CNTNAP2: variants seen among roughly 807,000 people sequenced by gnomAD.
CNTNAP2 encodes the protein contactin-associated protein-like 2.
A neutral mutation model predicts 155.2 loss-of-function variants in CNTNAP2; 98 were observed. The ratio of observed to expected loss-of-function variants is 0.63; its 90% CI spans 0.54 to 0.75. The LOEUF (loss-of-function observed/expected upper bound fraction) is 0.75, where lower values mean the gene tolerates loss of function less well. Ranked by LOEUF, CNTNAP2 falls within the 30% of genes least tolerant of loss-of-function variation. The pLI is 0.00. For synonymous variants in CNTNAP2, 651 were observed against 631.2 expected (o/e 1.03, Z -0.47); for missense variants, 1,727 against 1,688.1 (o/e 1.02, Z -0.40).
chr7:147,794,390 T>C (rs1797860922), intron 13 of CNTNAP2, among the ~76,000 whole-genome samples: 1 of 151,990 alleles, frequency 6.6e-6, no homozygotes, highest in Admixed American at 6.5e-5. Flanking sequence ...CAAATGCTTT[T>C]TCTGTATTTA....
chr7:146,685,816 G>C (rs1408127291), intron 1 of CNTNAP2, among the ~76,000 whole-genome samples: 3 of 152,214 alleles, frequency 2.0e-5, no homozygotes, highest in East Asian at 1.9e-4. Context: ...ATAATTATCT[G>C]CCTAATGGAA....
In CNTNAP2 at chr7:147,372,310, A is replaced by G. The variant is rs959659291; in HGVS notation, c.1499-23299A>G. On this transcript the variant is annotated intron_variant, in intron 9 of 23. Transcript: ENST00000361727. ...CAGCTTACCCTAGTGTAAGGCAACT[A>G]TAACTGTAAGATCATGAATGTTCTC... 5.3e-5 allele frequency among the ~76,000 whole-genome samples: 8 copies of G among 152,174 alleles called. No individual in the cohort carries two copies. The South Asian group carries it at 6.2e-4, about 12-fold the overall frequency.
chr7:148,384,086 A>G (rs1799135636), intron 22 of CNTNAP2, among the ~76,000 whole-genome samples, 198 bp downstream of exon 22: 1 of 152,204 alleles, frequency 6.6e-6, no homozygotes, highest in Non-Finnish European at 1.5e-5. Flanking sequence ...AGAAATAAAT[A>G]AGTTGAAGGT....
intron 3 of CNTNAP2, among the ~76,000 whole-genome samples, chr7:146,934,281 G>A (rs1199439586): frequency 3.9e-5 from 6 of 152,074 alleles, no homozygotes; most frequent in Non-Finnish European, 8.8e-5. Flanking sequence ...ATGAGTTCAT[G>A]TCCTTTGTAG....
chr7:147,418,038 C>T (rs1435476555), intron 10 of CNTNAP2, among the ~76,000 whole-genome samples: 3 of 152,166 alleles, frequency 2.0e-5, no homozygotes, highest in Non-Finnish European at 4.4e-5. Context: ...CTGTAAAAGT[C>T]ATTTATAACT....
At position 148,418,883 on chromosome 7, in the gene CNTNAP2, A is replaced by G. The variant is rs1434929627; in HGVS notation, c.*3267A>G. On this transcript the variant is annotated 3_prime_UTR_variant, in exon 24 of 24. Coordinates refer to ENST00000361727, the MANE Select transcript of CNTNAP2 (RefSeq NM_014141.6). ...AAGAGCAGGAATTCAGAGGCACAAG[A>G]AAAAGCATTGGCATGAGCCAAAGAG... 6.6e-6 allele frequency: 1 copy of G among 152,250 alleles called. No individual in the cohort carries two copies. The highest frequency in any genetic ancestry group is 1.9e-4 in the East Asian group (1 of 5,204). 9.4% of individuals were successfully genotyped at this position (152,250 alleles called of 1,614,324 possible). A position where few individuals can be genotyped will look rare whatever the true frequency, so the allele number is the denominator to read the frequency against.
At position 148,384,181 on chromosome 7, in the gene CNTNAP2, T is replaced by G. The variant is rs1799137526; in HGVS notation, c.3715+293T>G. ...TGTCTGCGCCATGACTGTGGGTGAT[T>G]TGATCAATTCACTGTCTCACTTTTG... On this transcript the variant is annotated intron_variant, in intron 22 of 23. Coordinates refer to ENST00000361727, the MANE Select transcript of CNTNAP2 (RefSeq NM_014141.6). Among the ~76,000 whole-genome samples, 5 of 152,200 alleles carry G rather than the reference T, an allele frequency of 3.3e-5. No homozygotes were observed. In the South Asian group the frequency reaches 1.0e-3, roughly 32 times the overall value.
intron 13 of CNTNAP2, among the ~76,000 whole-genome samples, chr7:147,851,761 G>C (rs1269607904): frequency 7.5e-6 from 1 of 134,050 alleles, no homozygotes; most frequent in African/African-American, 2.8e-5. Context: ...GGCCTGTCGT[G>C]GGGTGGGGGG....
intron 7 of CNTNAP2, among the ~76,000 whole-genome samples, chr7:147,131,297 GAGAC>G (rs1801353431): frequency 6.6e-6 from 1 of 151,114 alleles, no homozygotes; most frequent in Non-Finnish European, 1.5e-5. Flanking sequence ...GAGAAAAAGA[GAGAC>G]AGACATAGAG....
intron 22 of CNTNAP2, among the ~76,000 whole-genome samples, chr7:148,405,419 A>AATTTTTTTTTTT (rs1799676428): frequency 1.2e-5 from 1 of 84,560 alleles, no homozygotes; most frequent in African/African-American, 6.6e-5. Flanking sequence ...TTACCATTGT[A>AATTTTTTTTTTT]ATTTTTTTTT....
At chr7:147,474,372 T>C (rs996098006) in intron 10 of CNTNAP2, among the ~76,000 whole-genome samples, 7 of 152,082 alleles carry the variant, frequency 4.6e-5, no homozygotes, top group Admixed American at 4.6e-4. Flanking sequence ...GGTGGGCAGA[T>C]CACCTGAGGT....
chr7:148,251,140 C>T (rs1319110300), intron 20 of CNTNAP2, among the ~76,000 whole-genome samples: 3 of 152,224 alleles, frequency 2.0e-5, no homozygotes, highest in African/African-American at 7.2e-5. Context: ...ACTGGTCTCA[C>T]GTCAAACCCC....
chr7:146,336,470 G>A (rs540824092), intron 1 of CNTNAP2, among the ~76,000 whole-genome samples: 31 of 151,630 alleles, frequency 2.0e-4, no homozygotes, highest in African/African-American at 7.3e-4. Flanking sequence ...TAACATCGAG[G>A]CACATTTTTG....
intron 8 of CNTNAP2, among the ~76,000 whole-genome samples, chr7:147,219,480 A>G (rs1366611567): frequency 6.6e-6 from 1 of 152,206 alleles, no homozygotes; most frequent in African/African-American, 2.4e-5. Context: ...AGCATCCAGC[A>G]TGGGACAAAG....
chr7:146,338,526 TG>T (rs1284593650), intron 1 of CNTNAP2, among the ~76,000 whole-genome samples: 6 of 152,094 alleles, frequency 3.9e-5, no homozygotes, highest in African/African-American at 1.4e-4. Flanking sequence ...AGTTTTCTGG[TG>T]TGAGGTGAAC....
chr7:146,771,303 T>C (rs899960783), intron 1 of CNTNAP2, among the ~76,000 whole-genome samples: 11 of 152,184 alleles, frequency 7.2e-5, no homozygotes, highest in Non-Finnish European at 1.5e-4. Flanking sequence ...TGATGCATAT[T>C]TAAATGAATG....
chr7:148,114,082 C>T (rs899476590), intron 15 of CNTNAP2, among the ~76,000 whole-genome samples: 3 of 152,312 alleles, frequency 2.0e-5, no homozygotes, highest in Non-Finnish European at 4.4e-5. Context: ...TGTCACTTTA[C>T]CTCCATAGCA....
At chr7:148,365,949 C>CGTGTATGCATGTATACATGT in intron 21 of CNTNAP2, among the ~76,000 whole-genome samples, 2 of 534 alleles carry the variant, frequency 3.7e-3, no homozygotes, top group African/African-American at 4.3e-3. Context: ...TGTATACATG[C>CGTGTATGCATGTATACATGT]GTGTATGCAT....
chr7:146,117,766 A>C lies in CNTNAP2; in HGVS notation c.97+793A>C, dbSNP rs575810738. 1.1e-3 allele frequency among the ~76,000 whole-genome samples: 169 copies of C among 152,242 alleles called. 1 individual carries two copies. Among genetic ancestry groups the C allele is most frequent in the Non-Finnish European group, 1.0e-3 (71 of 68,014 alleles). On this transcript the variant is annotated intron_variant, in intron 1 of 23. Coordinates refer to ENST00000361727, the MANE Select transcript of CNTNAP2 (RefSeq NM_014141.6). ...CATGAGGTTTAGAAAGAAATGGAAG[A>C]TTCTGGCCCATTTTCTGCATTCCTT...
Sources: gnomAD v4.1 joint callset for allele counts (sites outside exome capture counted in the v4.1 genomes callset) on GRCh38, gnomAD v4.1.1 for gene constraint, MANE v1.5 for transcripts, NCBI Gene and HGNC (gene_info 2026-07-23, HGNC 2026-07-21) for gene names.